The following TANGO6 variants were observed in gnomAD, a reference collection of about 807,000 sequenced individuals.
TANGO6 encodes transport and Golgi organization protein 6 homolog.
A neutral mutation model predicts 114.2 loss-of-function variants in TANGO6; 90 were observed. That is an observed-to-expected ratio of 0.79 (90% CI 0.66 to 0.94). The LOEUF (loss-of-function observed/expected upper bound fraction) is 0.94, where lower values mean the gene tolerates loss of function less well. Ranked by LOEUF, TANGO6 falls within the 40% of genes least tolerant of loss-of-function variation. TANGO6 has a pLI of 0.00. For missense variants in TANGO6, 1,274 were observed against 1,315.3 expected, an observed-to-expected ratio of 0.97 and a Z score of 0.49; for synonymous variants, 477 against 509.8, an observed-to-expected ratio of 0.94 and a Z score of 0.87.
At chr16:69,018,956 ATAG>A (rs1959355522) in intron 15 of TANGO6, among the ~76,000 whole-genome samples, 1 of 152,208 alleles carries the variant, frequency 6.6e-6, no homozygotes, top group Non-Finnish European at 1.5e-5. Context: ...TGATTTGTTA[ATAG>A]TAGGAAAAGT....
chr16:68,929,272 A>AT (rs1182020188), intron 13 of TANGO6, among the ~76,000 whole-genome samples: 1 of 151,966 alleles, frequency 6.6e-6, no homozygotes, highest in South Asian at 2.1e-4. Context: ...ACATCTTGGA[A>AT]TTTTTTTTAG....
intron 16 of TANGO6, among the ~76,000 whole-genome samples, chr16:69,039,441 G>A (rs766767117): frequency 2.0e-5 from 3 of 151,858 alleles, no homozygotes; most frequent in Non-Finnish European, 4.4e-5. Flanking sequence ...TTCAAGACCA[G>A]CTGGGCAACA....
At chr16:69,077,928 TTTTATTTTTTATTTG>T (rs1159977209) in intron 17 of TANGO6, among the ~76,000 whole-genome samples, 2 of 152,172 alleles carry the variant, frequency 1.3e-5, no homozygotes, top group African/African-American at 4.8e-5. Flanking sequence ...TAAATATTTA[TTTTATTTTTTATTTG>T]TTTATTTTTT....
chr16:68,911,443 T>C (rs2152187080), intron 11 of TANGO6, among the ~76,000 whole-genome samples: 1 of 146,736 alleles, frequency 6.8e-6, no homozygotes, highest in African/African-American at 2.5e-5. Context: ...TGAGACTGAA[T>C]GTGACTCTGT....
At chr16:68,916,271 C>T (rs1963003610) in intron 11 of TANGO6, among the ~76,000 whole-genome samples, 1 of 152,164 alleles carries the variant, frequency 6.6e-6, no homozygotes, top group Non-Finnish European at 1.5e-5. Context: ...CCCAAGTGAG[C>T]TTTACCACCT....
intron 14 of TANGO6, among the ~76,000 whole-genome samples, chr16:68,961,082 C>T (rs1029480707): frequency 5.3e-5 from 8 of 152,206 alleles, no homozygotes; most frequent in African/African-American, 1.9e-4. Context: ...ACAAAGCAGT[C>T]CCTGTGAAGC....
intron 15 of TANGO6, among the ~76,000 whole-genome samples, chr16:69,001,992 T>A (rs1289069564): frequency 1.3e-5 from 2 of 152,040 alleles, no homozygotes; most frequent in African/African-American, 2.4e-5. Context: ...TAATTTCTGA[T>A]ACCCCCAAAA....
At chr16:68,875,365 C>G in intron 5 of TANGO6, 75 bp downstream of exon 5, 1 of 1,516,144 alleles carries the variant, frequency 6.6e-7, no homozygotes, top group South Asian at 1.2e-5. Context: ...TAATGTTCCT[C>G]TAGTATTGAG....
intron 17 of TANGO6, among the ~76,000 whole-genome samples, chr16:69,040,962 A>G (rs1364683663): frequency 3.9e-5 from 6 of 152,074 alleles, no homozygotes; most frequent in Non-Finnish European, 7.3e-5. Flanking sequence ...ATATATATAT[A>G]TAAAAAACCA....
At chr16:68,899,622 C>T (rs563867948) in intron 7 of TANGO6, among the ~76,000 whole-genome samples, 24 of 151,220 alleles carry the variant, frequency 1.6e-4, no homozygotes, top group African/African-American at 2.7e-4. Context: ...TTTTTTGAGA[C>T]AGGGTCTTAC....
intron 2 of TANGO6, among the ~76,000 whole-genome samples, chr16:68,861,561 G>T (rs145489926): frequency 2.5e-4 from 38 of 152,288 alleles, no homozygotes; most frequent in Non-Finnish European, 4.9e-4. Flanking sequence ...ACTTCCCTGA[G>T]GTAGTGTGAC....
At chr16:69,030,134 T>C (rs915463952) in intron 16 of TANGO6, among the ~76,000 whole-genome samples, 1 of 125,448 alleles carries the variant, frequency 8.0e-6, no homozygotes, top group African/African-American at 3.0e-5. Context: ...AAAAGGGAAA[T>C]AAGAAGAACA....
intron 14 of TANGO6, among the ~76,000 whole-genome samples, chr16:68,951,520 C>T (rs777773621): frequency 2.6e-5 from 4 of 152,046 alleles, no homozygotes; most frequent in Non-Finnish European, 5.9e-5. Context: ...CTGGATTCAA[C>T]TCCAAAGCCA....
intron 11 of TANGO6, among the ~76,000 whole-genome samples, chr16:68,913,073 CAAA>C (rs979992402): frequency 5.5e-5 from 4 of 72,086 alleles, no homozygotes; most frequent in Admixed American, 1.6e-4. Context: ...GAGTGAGACT[CAAA>C]AAAAAAAAAA....
At chr16:69,067,136 A>G (rs1960224421) in intron 17 of TANGO6, among the ~76,000 whole-genome samples, 1 of 152,084 alleles carries the variant, frequency 6.6e-6, no homozygotes, top group Admixed American at 6.6e-5. Flanking sequence ...GGCTCAAGCA[A>G]TCCTCTCACC....
At position 69,085,140 on chromosome 16, in the gene TANGO6, C is replaced by G. The variant is rs1960517460; in HGVS notation, c.*1479C>G. 1 of 152,380 alleles carries G rather than the reference C, an allele frequency of 6.6e-6. No individual in the cohort carries two copies. Among genetic ancestry groups the G allele is most frequent in the Non-Finnish European group, 1.5e-5 (1 of 68,048 alleles). 9.4% of individuals were successfully genotyped at this position (152,380 alleles called of 1,614,324 possible). ...CTAAGAAGAATCTCCTTTGGGCCAG[C>G]TGGATGTACAATAAAAATGCTTGTT... is the stretch of plus-strand genomic sequence containing the variant. On this transcript the variant is annotated 3_prime_UTR_variant, in exon 18 of 18. Coordinates refer to ENST00000261778, the MANE Select transcript of TANGO6 (RefSeq NM_024562.2).
intron 17 of TANGO6, among the ~76,000 whole-genome samples, chr16:69,074,666 A>G (rs1052939463): frequency 2.0e-5 from 3 of 152,036 alleles, no homozygotes; most frequent in African/African-American, 7.3e-5. Context: ...TTTGGTAAAC[A>G]TTATTAATTC....
chr16:68,891,879 AGAGGGAGGGAAG>A (rs1309632285), intron 7 of TANGO6, among the ~76,000 whole-genome samples: 29 of 130,438 alleles, frequency 2.2e-4, no homozygotes, highest in African/African-American at 8.3e-4. Context: ...GGGAAAGGAA[AGAGGGAGGGAAG>A]GAGGGAGGGA....
intron 16 of TANGO6, chr16:69,026,287 C>G (rs1018221006): frequency 6.6e-6 from 1 of 152,282 alleles, no homozygotes; most frequent in African/African-American, 2.4e-5. Context: ...AGGCATGAGC[C>G]ACCACGCCCC....
Sources: gnomAD v4.1 joint callset for allele counts (sites outside exome capture counted in the v4.1 genomes callset) on GRCh38, gnomAD v4.1.1 for gene constraint, MANE v1.5 for transcripts, NCBI Gene and HGNC (gene_info 2026-07-23, HGNC 2026-07-21) for gene names.